ANXA2: variants seen among roughly 807,000 people sequenced by gnomAD.
ANXA2 encodes annexin A2.
A neutral mutation model predicts 47.3 loss-of-function variants in ANXA2; 28 were observed. The observed-to-expected ratio is 0.59, with a 90% CI of 0.44 to 0.81. The LOEUF is 0.81. Among genes scored for constraint, ANXA2 ranks in the 40% least tolerant of loss-of-function variants. ANXA2 has a pLI of 0.00. For missense variants in ANXA2, 384 were observed against 414.3 expected (o/e 0.93, Z 0.64); for synonymous variants, 172 against 155.5 (o/e 1.11, Z -0.79).
intron 3 of ANXA2, among the ~76,000 whole-genome samples, chr15:60,365,539 G>T (rs1038138457): frequency 1.3e-5 from 2 of 152,146 alleles, no homozygotes; most frequent in African/African-American, 2.4e-5. Flanking sequence ...TTGGCCTGAA[G>T]AAAATCAGAG....
At chr15:60,378,321 A>G (rs553464823) in intron 3 of ANXA2, among the ~76,000 whole-genome samples, 76 of 152,340 alleles carry the variant, frequency 5.0e-4, no homozygotes, top group African/African-American at 1.7e-3. Context: ...CTGTATCTCA[A>G]TAAAGATGTT....
intron 3 of ANXA2, among the ~76,000 whole-genome samples, chr15:60,370,211 T>C (rs1052012663): frequency 5.3e-5 from 8 of 152,234 alleles, no homozygotes; most frequent in African/African-American, 1.9e-4. Context: ...CCGTAATGCA[T>C]TGCACAAGTG....
rs956432452 is a variant in ANXA2, at chr15:60,347,554, C to T, written c.*76G>A. On this transcript the variant is annotated 3_prime_UTR_variant, in exon 13 of 13. Coordinates refer to ENST00000451270, the MANE Select transcript of ANXA2 (RefSeq NM_004039.3). ...AGGGATGGCCACGGGGACTGTTATT[C>T]GCAAGCTGGTTTTCTAGACCTGTTA... The T allele has an allele frequency of 1.1e-5, 16 of 1,480,506 alleles. No homozygotes were observed. The highest frequency in any genetic ancestry group is 1.0e-4 in the South Asian group (9 of 87,890). 91.7% of individuals were successfully genotyped at this position (1,480,506 alleles called of 1,614,324 possible).
chr15:60,352,939 C>T lies in ANXA2; in HGVS notation c.589-463G>A, dbSNP rs2062371052. ...GCTGGAAAAGGAGCCCATCTCATCTCACTTTCAGTTTCTGGAAAATTTAGG... is the reference window on the plus strand; with the variant it reads ...GCTGGAAAAGGAGCCCATCTCATCTTACTTTCAGTTTCTGGAAAATTTAGG... On this transcript the variant is annotated intron_variant, in intron 8 of 12. Transcript: ENST00000451270. The surrounding 1 kb of genome is among the most constrained non-coding windows in gnomAD (Gnocchi z 4.2). Among the ~76,000 whole-genome samples, 1 of 152,142 alleles carries T rather than the reference C, an allele frequency of 6.6e-6. No individual in the cohort carries two copies. The highest frequency in any genetic ancestry group is 2.1e-4 in the South Asian group (1 of 4,820).
intron 1 of ANXA2, among the ~76,000 whole-genome samples, chr15:60,388,509 T>A (rs1324980503): frequency 6.6e-6 from 1 of 151,850 alleles, no homozygotes; most frequent in Admixed American, 6.6e-5. Context: ...AATTTATATA[T>A]TGATCATATA....
intron 6 of ANXA2, 84 bp downstream of exon 6, chr15:60,357,062 T>C (rs982523053): frequency 7.0e-6 from 9 of 1,279,692 alleles, no homozygotes; most frequent in African/African-American, 1.5e-5. Flanking sequence ...GCAGGCATCT[T>C]AGCCCGAACC....
At chr15:60,397,872 C>A (rs779903896) in intron 1 of ANXA2, 71 bp downstream of exon 1, 6 of 1,382,606 alleles carry the variant, frequency 4.3e-6, no homozygotes, top group East Asian at 3.0e-5. Flanking sequence ...AGGCCGTACC[C>A]TTCTTCCCAG....
At chr15:60,367,499 G>A (rs1158576748) in intron 3 of ANXA2, among the ~76,000 whole-genome samples, 2 of 50,276 alleles carry the variant, frequency 4.0e-5, no homozygotes, top group African/African-American at 1.0e-4. Flanking sequence ...GCCTCTGCCC[G>A]GCCGCCCCTA....
At chr15:60,386,329 C>A (rs2062932928) in intron 1 of ANXA2, 4 of 443,684 alleles carry the variant, frequency 9.0e-6, no homozygotes, top group Non-Finnish European at 1.6e-5. Context: ...GTAAACAGAA[C>A]CTGGGGAGAC....
chr15:60,377,890 C>A (rs546023786), intron 3 of ANXA2, among the ~76,000 whole-genome samples: 3 of 151,942 alleles, frequency 2.0e-5, no homozygotes, highest in Non-Finnish European at 4.4e-5. Flanking sequence ...GAGTGCGAGA[C>A]GAGCCTGGCC....
chr15:60,349,253 G>A (rs1309653918), intron 11 of ANXA2, 56 bp from the exon 12 acceptor site: 3 of 1,595,726 alleles, frequency 1.9e-6, no homozygotes, highest in South Asian at 2.2e-5. Flanking sequence ...GTTAAAGAAA[G>A]CGTCTACAGG....
At chr15:60,348,933 C>G (rs963074980) in intron 12 of ANXA2, 142 bp downstream of exon 12, 1 of 890,326 alleles carries the variant, frequency 1.1e-6, no homozygotes, top group African/African-American at 1.7e-5. Context: ...AAATAAATCC[C>G]TGATAGTTGA....
intron 3 of ANXA2, among the ~76,000 whole-genome samples, chr15:60,375,985 C>G (rs1186966835): frequency 6.6e-6 from 1 of 152,226 alleles, no homozygotes; most frequent in Admixed American, 6.5e-5. Context: ...CCTCAAAGAA[C>G]AAAGGCAGAG....
intron 3 of ANXA2, among the ~76,000 whole-genome samples, chr15:60,378,561 G>A (rs114857570): frequency 2.6e-5 from 4 of 152,094 alleles, no homozygotes; most frequent in African/African-American, 4.8e-5. Flanking sequence ...TTCTTTCTTC[G>A]CAATAGTTCC....
intron 1 of ANXA2, among the ~76,000 whole-genome samples, chr15:60,394,025 C>T (rs980174469): frequency 6.6e-6 from 1 of 152,192 alleles, no homozygotes; most frequent in Non-Finnish European, 1.5e-5. Context: ...AGGCTTAAAT[C>T]ACCAACTTCT....
chr15:60,355,818 G>A (rs2062420361), intron 7 of ANXA2, 101 bp downstream of exon 7: 6 of 999,470 alleles, frequency 6.0e-6, no homozygotes, highest in Non-Finnish European at 8.1e-6. Context: ...AATTTCTGAT[G>A]CAGGCACAGG....
At chr15:60,354,619 C>CAA (rs5813019) in intron 7 of ANXA2, among the ~76,000 whole-genome samples, 7,450 of 108,572 alleles carry the variant, frequency 0.069, 396 homozygotes, top group East Asian at 0.16. Flanking sequence ...GACTCTGTCT[C>CAA]AAAAAAAAAA....
intron 1 of ANXA2, among the ~76,000 whole-genome samples, chr15:60,387,940 A>G (rs972160790): frequency 2.3e-4 from 35 of 152,346 alleles, no homozygotes; most frequent in African/African-American, 7.9e-4. Context: ...CTGTAATCCC[A>G]GCACTGTGGG....
At chr15:60,359,955 T>C (rs571734599) in intron 5 of ANXA2, among the ~76,000 whole-genome samples, 1 of 152,314 alleles carries the variant, frequency 6.6e-6, no homozygotes, top group Admixed American at 6.5e-5. Flanking sequence ...ATCTATTGCA[T>C]TTATATAAAA....
Sources: allele counts gnomAD v4.1 joint callset (sites outside exome capture counted in the v4.1 genomes callset), GRCh38; gene constraint gnomAD v4.1.1; non-coding constraint Gnocchi (gnomAD v3.1); transcripts MANE v1.5; gene names NCBI Gene and HGNC (gene_info 2026-07-23, HGNC 2026-07-21).